NTAQ1: variants seen among roughly 807,000 people sequenced by gnomAD.
NTAQ1 encodes protein N-terminal glutamine amidohydrolase.
In NTAQ1, 21 loss-of-function variants were observed where a neutral mutation model predicts 28.2. That is an observed-to-expected ratio of 0.74 (90% confidence interval 0.53 to 1.07). The LOEUF (loss-of-function observed/expected upper bound fraction) is 1.07, where lower values mean the gene tolerates loss of function less well. Ranked by LOEUF, NTAQ1 falls within the 50% of genes least tolerant of loss-of-function variation. The probability of loss-of-function intolerance (pLI) is 0.00; values close to 1 mark genes in which losing one functional copy is unlikely to be tolerated. For missense variants in NTAQ1, 264 were observed against 256.6 expected (o/e 1.03, Z -0.20); for synonymous variants, 105 against 90.0 (o/e 1.17, Z -0.94).
downstream of NTAQ1, among the ~76,000 whole-genome samples, chr8:123,446,302 G>A (rs1441675775): frequency 6.6e-6 from 1 of 152,168 alleles, no homozygotes; most frequent in Non-Finnish European, 1.5e-5. Flanking sequence ...CACTGCAACT[G>A]GCCCATTCTC....
chr8:123,419,383 G>A (rs918910372), intron 1 of NTAQ1, among the ~76,000 whole-genome samples: 5 of 152,164 alleles, frequency 3.3e-5, no homozygotes, highest in East Asian at 1.9e-4. Flanking sequence ...ACAGGTGTGA[G>A]TCACCGTGCC....
intron 1 of NTAQ1, among the ~76,000 whole-genome samples, chr8:123,421,751 T>C (rs6986901): frequency 0.71 from 106,598 of 150,018 alleles, 38,219 homozygotes; most frequent in East Asian, 0.92. Flanking sequence ...TGCAGTGGCG[T>C]GATCTTGGCT....
Position 123,462,782 on chromosome 8 carries a change from T to C in NTAQ1, c.373-4297T>C, listed in dbSNP as rs138376164. ...TACAGGTACCCTTCTCTTCACTCCT[T>C]CCCCAAGCATGCCCCCAATTCACCA... On this transcript the variant is annotated intron_variant, in intron 6 of 6. Transcript: ENST00000650311. Among the ~76,000 whole-genome samples the C allele has an allele frequency of 2.3e-3, 356 of 152,262 alleles. 1 individual carries two copies. The highest frequency in any genetic ancestry group is 8.2e-3 in the African/African-American group (339 of 41,546).
chr8:123,424,072 G>GTTTTTTT lies in NTAQ1; in HGVS notation c.84-3840_84-3834dup, dbSNP rs35733686. Among the ~76,000 whole-genome samples the GTTTTTTT allele has an allele frequency of 3.5e-3, 300 of 85,832 alleles. 28 individuals are homozygous for GTTTTTTT. Among genetic ancestry groups the GTTTTTTT allele is most frequent in the African/African-American group, 0.014 (292 of 20,740 alleles). The allele number at this position is 85,832 out of a possible 152,430, so 56.3% of individuals were successfully genotyped here. A position where few individuals can be genotyped will look rare whatever the true frequency, so the allele number is the denominator to read the frequency against. On this transcript the variant is annotated intron_variant, in intron 1 of 5. Coordinates refer to ENST00000287387, the MANE Select transcript of NTAQ1 (RefSeq NM_018024.3). The stretch of plus-strand genomic sequence containing the variant: ...TGATTTTGTGTTTTTATTTTTATGC[G>GTTTTTTT]TTTTTTTTTTTTTTTTTTGAGATGA...
chr8:123,433,925 ATTT>A (rs35940452), intron 3 of NTAQ1, among the ~76,000 whole-genome samples: 1 of 148,858 alleles, frequency 6.7e-6, no homozygotes, highest in Admixed American at 6.7e-5. Context: ...TTTTTTTGTG[ATTT>A]TTTTTTTTTT....
chr8:123,435,216 C>G (rs760465251), intron 3 of NTAQ1, among the ~76,000 whole-genome samples: 3 of 152,170 alleles, frequency 2.0e-5, no homozygotes, highest in Non-Finnish European at 2.9e-5. Context: ...AAATCCCTTT[C>G]AGCTCATCGC....
At chr8:123,434,737 TC>T (rs1174015751) in intron 3 of NTAQ1, among the ~76,000 whole-genome samples, 1 of 151,996 alleles carries the variant, frequency 6.6e-6, no homozygotes, top group Non-Finnish European at 1.5e-5. Flanking sequence ...AAAAATTGAT[TC>T]GTGGGAAGAA....
At chr8:123,470,376 G>C (rs1238290451), downstream of NTAQ1, among the ~76,000 whole-genome samples, 1 of 152,188 alleles carries the variant, frequency 6.6e-6, no homozygotes, top group Non-Finnish European at 1.5e-5. Flanking sequence ...TCTTTGCTAA[G>C]GGCAAATCAC....
intron 6 of NTAQ1, among the ~76,000 whole-genome samples, chr8:123,462,023 A>T (rs1472740445): frequency 2.0e-5 from 3 of 152,184 alleles, no homozygotes; most frequent in Non-Finnish European, 4.4e-5. Flanking sequence ...TTTTCAGTGC[A>T]TGTATCCCTA....
intron 1 of NTAQ1, among the ~76,000 whole-genome samples, chr8:123,424,534 G>A (rs897617979): frequency 3.3e-5 from 5 of 152,080 alleles, no homozygotes; most frequent in African/African-American, 7.2e-5. Context: ...GAGCTGCTGC[G>A]CCTGGCCATT....
chr8:123,425,954 G>T (rs1814026840), intron 1 of NTAQ1, among the ~76,000 whole-genome samples: 1 of 152,136 alleles, frequency 6.6e-6, no homozygotes, highest in Non-Finnish European at 1.5e-5. Context: ...AATCCAGGAG[G>T]TGGAGGTTGT....
exon 7 of NTAQ1, among the ~76,000 whole-genome samples, chr8:123,469,642 A>G (rs1816022542): frequency 6.6e-6 from 1 of 152,246 alleles, no homozygotes; most frequent in South Asian, 2.1e-4. Flanking sequence ...AATGTGAATA[A>G]AACTTTGAGA....
Position 123,416,778 on chromosome 8 carries a change from C to T in NTAQ1, c.-72C>T, listed in dbSNP as rs918196542. ...CGCCGGGAACCCACGCGGGCCACTA[C>T]AAGCCCGCCCTTTCCTACGTCTGGT... On this transcript the variant is annotated 5_prime_UTR_variant, in exon 1 of 6. Transcript: ENST00000287387. The T allele has an allele frequency of 2.8e-6, 4 of 1,432,286 alleles. No individual in the cohort carries two copies. The highest frequency in any genetic ancestry group is 2.8e-6 in the Non-Finnish European group (3 of 1,083,544). 88.7% of individuals were successfully genotyped at this position (1,432,286 alleles called of 1,614,324 possible). A position where few individuals can be genotyped will look rare whatever the true frequency, so the allele number is the denominator to read the frequency against.
chr8:123,423,506 G>T (rs1813857131), intron 1 of NTAQ1, among the ~76,000 whole-genome samples: 1 of 149,990 alleles, frequency 6.7e-6, no homozygotes, highest in Non-Finnish European at 1.5e-5. Context: ...AAACTCCTGA[G>T]CTCAAGTTAT....
chr8:123,456,410 A>G (rs192484383), intron 6 of NTAQ1, among the ~76,000 whole-genome samples: 70 of 152,324 alleles, frequency 4.6e-4, no homozygotes, highest in Middle Eastern at 3.4e-3. Flanking sequence ...CCCAAGATGC[A>G]CATCTTAAAT....
chr8:123,430,407 C>A (rs531328481), intron 3 of NTAQ1, among the ~76,000 whole-genome samples: 1 of 152,144 alleles, frequency 6.6e-6, no homozygotes, highest in Non-Finnish European at 1.5e-5. Context: ...TTTGGGAGGC[C>A]AAGGTGGACG....
At chr8:123,419,223 TG>T (rs1813517001) in intron 1 of NTAQ1, among the ~76,000 whole-genome samples, 1 of 151,430 alleles carries the variant, frequency 6.6e-6, no homozygotes, top group Non-Finnish European at 1.5e-5. Context: ...CTCAGCCTCC[TG>T]AGTAGCTGGG....
intron 6 of NTAQ1, among the ~76,000 whole-genome samples, chr8:123,459,883 C>T (rs1274382953): frequency 6.8e-6 from 1 of 147,374 alleles, no homozygotes; most frequent in Admixed American, 7.0e-5. Context: ...CTCACCGCAA[C>T]CTCCGCCTCC....
chr8:123,435,053 G>A (rs1444119211), intron 3 of NTAQ1, among the ~76,000 whole-genome samples: 2 of 152,164 alleles, frequency 1.3e-5, no homozygotes, highest in Non-Finnish European at 2.9e-5. Context: ...GAAAGAAAGT[G>A]CCTTTTAAAC....
Sources: gnomAD v4.1 joint callset for allele counts (sites outside exome capture counted in the v4.1 genomes callset) on GRCh38, gnomAD v4.1.1 for gene constraint, MANE v1.5 for transcripts, NCBI Gene and HGNC (gene_info 2026-07-23, HGNC 2026-07-21) for gene names.